Variants in GBF1 observed in about 807,000 individuals in gnomAD.
GBF1 encodes Golgi-specific brefeldin A-resistance guanine nucleotide exchange factor 1.
In GBF1, 114 loss-of-function variants were observed where a neutral mutation model predicts 210.5. The ratio of observed to expected loss-of-function variants is 0.54; its 90% CI spans 0.47 to 0.63. The LOEUF (loss-of-function observed/expected upper bound fraction) is 0.63. GBF1 is among the 30% of genes least tolerant of loss of function. The pLI is 0.00. For missense variants in GBF1, 1,851 were observed against 2,357.7 expected, an observed-to-expected ratio of 0.79 and a Z score of 4.45; for synonymous variants, 850 against 889.2, an observed-to-expected ratio of 0.96 and a Z score of 0.78.
Position 102,353,660 on chromosome 10 carries a change from A to T in GBF1, c.639+6A>T, listed in dbSNP as rs374894814. The T allele has an allele frequency of 2.0e-5, 32 of 1,601,978 alleles. No individual in the cohort carries two copies. The highest frequency in any genetic ancestry group is 2.5e-5 in the Non-Finnish European group (29 of 1,168,976). On this transcript the variant is annotated splice_donor_region_variant and intron_variant, in intron 8 of 39. Transcript: ENST00000369983. ...TGGGGACCAACATGAAGAAGGTATG[A>T]TCTGAGAGCTGATCTGCTGTCCCTC...
rs550659201 is a variant in GBF1 at position 102,377,363 on chromosome 10, A to T, written c.4494+223A>T. 3.2e-3 allele frequency among the ~76,000 whole-genome samples: 398 copies of T among 124,136 alleles called. 2 individuals carry two copies. The highest frequency in any genetic ancestry group is 0.01 in the African/African-American group (386 of 37,000). 81.4% of individuals were successfully genotyped at this position (124,136 alleles called of 152,430 possible). ...TTTATTTTTATTTATTTATTTATTT[A>T]TTTATTTTTTGAGATGTAGTCTCTC... On this transcript the variant is annotated intron_variant, in intron 33 of 39. Transcript: ENST00000369983.
At chr10:102,241,667 G>A (rs1467041991), upstream of GBF1, among the ~76,000 whole-genome samples, 1 of 152,256 alleles carries the variant, frequency 6.6e-6, no homozygotes. This position sits in a 1 kb window ranked among gnomAD's most constrained non-coding sequence, Gnocchi z 6.7. Context: ...TTTGAGGGAG[G>A]GGTCTGGCCG....
At position 102,376,262 on chromosome 10, in the gene GBF1, C is replaced by A; in HGVS notation, c.3887-10C>A. 6.2e-7 allele frequency: 1 copy of A among 1,612,532 alleles called. No individual in the cohort carries two copies. The highest frequency in any genetic ancestry group is 8.5e-7 in the Non-Finnish European group (1 of 1,178,616). On this transcript the variant is annotated splice_polypyrimidine_tract_variant and intron_variant, in intron 30 of 39. Coordinates refer to ENST00000369983, the MANE Select transcript of GBF1 (RefSeq NM_001377137.1). ...CACCCTGACTCTGCCCTTCTCCCTG[C>A]CTACCATAGGGGCCCAGTCAGATAG...
At position 102,351,236 on chromosome 10, in the gene GBF1, T is replaced by C. The variant is rs966256609; in HGVS notation, c.296-20T>C. 1 of 1,314,566 alleles carries C rather than the reference T, an allele frequency of 7.6e-7. No individual in the cohort carries two copies. Among genetic ancestry groups the C allele is most frequent in the Non-Finnish European group, 1.1e-6 (1 of 906,382 alleles). The allele number at this position is 1,314,566 out of a possible 1,614,324, so 81.4% of individuals were successfully genotyped here. On this transcript the variant is annotated intron_variant, in intron 4 of 39. Transcript: ENST00000369983. ...CTCTCCTCTCCACATCACTTAATCT[T>C]TCCTTTTTCGCTGGAGCAGATCCCA...
chr10:102,348,908 G>A (rs1235275802), intron 4 of GBF1, among the ~76,000 whole-genome samples: 1 of 152,158 alleles, frequency 6.6e-6, no homozygotes, highest in Non-Finnish European at 1.5e-5. Flanking sequence ...CCAGCACTTT[G>A]GGGGTCCAGG....
rs1256703508 is a variant in GBF1, at chr10:102,369,246, C to A, written c.3009C>A (p.Asn1003Lys). The stretch of plus-strand genomic sequence containing the variant: ...ACCTGCCCAGTGTATTTGGAAGCAA[C>A]CCTAAAGCCCATATTGCAGCCAAGA... Reference protein sequence around the residue: ...IENLPSVFGSNPKAHIAAKTV... With the variant: ...IENLPSVFGSKPKAHIAAKTV... The change falls in exon 24 of 40, where the codon AAC becomes AAA. Residue 1003 changes from asparagine to lysine, a missense_variant. Coordinates refer to ENST00000369983, the MANE Select transcript of GBF1 (RefSeq NM_001377137.1). 8 of 1,613,728 alleles carry A rather than the reference C, an allele frequency of 5.0e-6. No individual in the cohort carries two copies. Among genetic ancestry groups the A allele is most frequent in the African/African-American group, 1.3e-5 (1 of 74,930 alleles).
At position 102,369,405 on chromosome 10, in the gene GBF1, A is replaced by G; in HGVS notation, c.3150+18A>G. The G allele has an allele frequency of 6.3e-7, 1 of 1,589,758 alleles. No individual in the cohort carries two copies. Among genetic ancestry groups the G allele is most frequent in the South Asian group, 1.1e-5 (1 of 90,378 alleles). On this transcript the variant is annotated intron_variant, in intron 24 of 39. Coordinates refer to ENST00000369983, the MANE Select transcript of GBF1 (RefSeq NM_001377137.1). Reference sequence around the variant, plus strand: ...TGATAGAGGTAATTCTTAGTAGGAGACTAGTGAGCGATAACAAGGCAAGAG... The same window carrying G: ...TGATAGAGGTAATTCTTAGTAGGAGGCTAGTGAGCGATAACAAGGCAAGAG...
At chr10:102,362,052 T>TTTA in intron 14 of GBF1, 140 bp downstream of exon 14, 1 of 120,292 alleles carries the variant, frequency 8.3e-6, no homozygotes, top group Non-Finnish European at 1.5e-5. Context: ...TTTCTTTTCT[T>TTTA]TTTTTTTTTT....
chr10:102,378,251 G>A (rs1025606200), intron 33 of GBF1, among the ~76,000 whole-genome samples: 1 of 151,402 alleles, frequency 6.6e-6, no homozygotes, highest in South Asian at 2.1e-4. Context: ...GAAAAATAAC[G>A]AAAGTAAAAA....
chr10:102,285,606 C>G (rs966059363), intron 3 of GBF1, among the ~76,000 whole-genome samples: 2 of 152,120 alleles, frequency 1.3e-5, no homozygotes, highest in African/African-American at 4.8e-5. Context: ...CTCTCAGTTT[C>G]TACTTCTTGC....
chr10:102,272,077 G>A (rs1433144726), intron 3 of GBF1, among the ~76,000 whole-genome samples: 1 of 151,532 alleles, frequency 6.6e-6, no homozygotes, highest in Non-Finnish European at 1.5e-5. Context: ...ATCACCACAG[G>A]AAGCACATCC....
In GBF1 at chr10:102,314,301, C is replaced by T. The variant is rs549039752; in HGVS notation, c.164-29750C>T. On this transcript the variant is annotated intron_variant, in intron 3 of 39. Transcript: ENST00000369983. ...GCGGGACCATAGGTGCACACCACCA[C>T]ACCTGGCTAATTTTTAATTTTTTTT... Among the ~76,000 whole-genome samples the T allele has an allele frequency of 1.3e-4, 20 of 151,656 alleles. No homozygotes were observed. In the South Asian group the frequency reaches 4.2e-3, roughly 32 times the overall value.
In GBF1 at chr10:102,379,578, A is replaced by G. The variant is rs1436705094; in HGVS notation, c.4703A>G (p.Tyr1568Cys). The G allele has an allele frequency of 7.4e-6, 12 of 1,614,062 alleles. No homozygotes were observed. The highest frequency in any genetic ancestry group is 4.5e-5 in the East Asian group (2 of 44,878). Residue 1568 changes from tyrosine (Y) to cysteine (C), a missense_variant, in exon 35 of 40, where the codon TAT becomes TGT. By Grantham distance (194) the Tyr-to-Cys change is radical. Transcript: ENST00000369983. The stretch of plus-strand genomic sequence containing the variant: ...CAGGTACGGATGCAGGCACTGACCT[A>G]TCTGCAGCGAGCACTACTTGTACAT... ...RRQVRMQALT[Y>C]LQRALLVHDL...
chr10:102,354,373 T>A (rs1022897090), intron 8 of GBF1, among the ~76,000 whole-genome samples: 1 of 152,174 alleles, frequency 6.6e-6, no homozygotes, highest in Non-Finnish European at 1.5e-5. Context: ...TTCGCAGATA[T>A]CTCCATGTCT....
At chr10:102,275,065 G>A (rs1473897622) in intron 3 of GBF1, among the ~76,000 whole-genome samples, 1 of 148,866 alleles carries the variant, frequency 6.7e-6, no homozygotes, top group African/African-American at 2.5e-5. Context: ...AGGCTGGAGT[G>A]CAGTGGTGCA....
chr10:102,319,594 T>C (rs2056193318), intron 3 of GBF1, among the ~76,000 whole-genome samples: 1 of 152,186 alleles, frequency 6.6e-6, no homozygotes, highest in South Asian at 2.1e-4. Context: ...ATCCTCTTCT[T>C]CTATTCTGTA....
At chr10:102,337,146 AGGT>A (rs2057807561) in intron 3 of GBF1, among the ~76,000 whole-genome samples, 1 of 152,006 alleles carries the variant, frequency 6.6e-6, no homozygotes, top group Non-Finnish European at 1.5e-5. Context: ...TGGGAGGCCG[AGGT>A]GGGCGGATCA....
At chr10:102,235,179 A>T in the GBF1 span, among the ~76,000 whole-genome samples, 1 of 97,374 alleles carries the variant, frequency 1.0e-5, no homozygotes, top group Non-Finnish European at 2.0e-5. Flanking sequence ...CCCACCCCCC[A>T]CCCCCCCACC....
Position 102,382,297 on chromosome 10 carries a change from C to G in GBF1, c.5544C>G (p.Pro1848=), listed in dbSNP as rs756351718. 3.0e-5 allele frequency: 48 copies of G among 1,613,494 alleles called. No homozygotes were observed. The highest frequency in any genetic ancestry group is 3.6e-5 in the Non-Finnish European group (42 of 1,179,742). Residue 1848 remains proline, a synonymous_variant, in exon 40 of 40, where the codon CCC becomes CCG. Coordinates refer to ENST00000369983, the MANE Select transcript of GBF1 (RefSeq NM_001377137.1). ...ATSPVPLLAT[P]RPTDPIPTSE... is the part of the protein sequence containing the mutation. ...CACCAGTGCCCCTCCTGGCCACACC[C>G]CGCCCCACAGATCCCATACCCACCT...
Sources: allele counts gnomAD v4.1 joint callset (sites outside exome capture counted in the v4.1 genomes callset), GRCh38; gene constraint gnomAD v4.1.1; non-coding constraint Gnocchi (gnomAD v3.1); transcripts MANE v1.5; gene names NCBI Gene and HGNC (gene_info 2026-07-23, HGNC 2026-07-21).